The following UNC5C variants were observed in gnomAD, a reference collection of about 807,000 sequenced individuals.
The protein encoded by UNC5C is netrin receptor UNC5C.
UNC5C carries 47 observed loss-of-function variants against 99.8 expected under a neutral mutation model. That is an observed-to-expected ratio of 0.47 (90% confidence interval 0.37 to 0.60). The LOEUF (loss-of-function observed/expected upper bound fraction) is 0.60. Among genes scored for constraint, UNC5C ranks in the 20% least tolerant of loss-of-function variants. The pLI is 0.00. For missense variants in UNC5C, 1,062 were observed against 1,165.9 expected (o/e 0.91, Z 1.30); for synonymous variants, 487 against 452.2 (o/e 1.08, Z -0.98).
intron 4 of UNC5C, among the ~76,000 whole-genome samples, chr4:95,258,614 T>A (rs965649322): frequency 1.3e-5 from 2 of 152,134 alleles, no homozygotes; most frequent in African/African-American, 2.4e-5. Flanking sequence ...TTTACTCAAG[T>A]GTTTATAAAG....
At chr4:95,335,365 G>A (rs1368781501) in intron 2 of UNC5C, 45 bp downstream of exon 2, 1 of 1,517,668 alleles carries the variant, frequency 6.6e-7, no homozygotes, top group East Asian at 2.3e-5. Flanking sequence ...AGAGTAGTGA[G>A]TAAGTGAATC....
At chr4:95,448,136 T>C (rs1053410456) in intron 1 of UNC5C, among the ~76,000 whole-genome samples, 7 of 151,162 alleles carry the variant, frequency 4.6e-5, no homozygotes, top group South Asian at 4.2e-4. Context: ...AGGGCGGGGC[T>C]GAGAGAAAAT....
intron 1 of UNC5C, among the ~76,000 whole-genome samples, chr4:95,380,733 G>T (rs1182029207): frequency 6.6e-6 from 1 of 151,992 alleles, no homozygotes. Context: ...TTTTGCAAAC[G>T]TGCTGGACTA....
intron 1 of UNC5C, among the ~76,000 whole-genome samples, chr4:95,414,639 C>G (rs1027779549): frequency 1.3e-5 from 2 of 152,238 alleles, no homozygotes; most frequent in Non-Finnish European, 2.9e-5. Context: ...TCAGCTTTCT[C>G]TAACCCTTAG....
chr4:95,510,869 T>C (rs549841014), intron 1 of UNC5C, among the ~76,000 whole-genome samples: 5 of 152,312 alleles, frequency 3.3e-5, no homozygotes, highest in African/African-American at 1.2e-4. Flanking sequence ...GGTTTGTCCC[T>C]TCTTTTACTG....
At chr4:95,393,249 G>T (rs1287492988) in intron 1 of UNC5C, among the ~76,000 whole-genome samples, 1 of 152,184 alleles carries the variant, frequency 6.6e-6, no homozygotes, top group Non-Finnish European at 1.5e-5. Context: ...TCCTCCCTAA[G>T]ATATTAGGAG....
chr4:95,188,473 G>C (rs533756429), intron 12 of UNC5C, among the ~76,000 whole-genome samples: 5 of 152,198 alleles, frequency 3.3e-5, no homozygotes, highest in Non-Finnish European at 7.3e-5. Flanking sequence ...ATCTCAAATA[G>C]AGTTTTGTGT....
intron 10 of UNC5C, among the ~76,000 whole-genome samples, chr4:95,208,812 T>C (rs1343639047): frequency 6.6e-6 from 1 of 152,226 alleles, no homozygotes; most frequent in Admixed American, 6.5e-5. Flanking sequence ...ATAATTGCAA[T>C]GGTCACTTGA....
chr4:95,452,344 C>T (rs1224585591), intron 1 of UNC5C, among the ~76,000 whole-genome samples: 2 of 151,944 alleles, frequency 1.3e-5, no homozygotes, highest in African/African-American at 2.4e-5. Context: ...TATTAAGAGC[C>T]AATTTTCAGC....
chr4:95,180,506 T>A (rs1736570798), intron 14 of UNC5C, among the ~76,000 whole-genome samples: 1 of 152,248 alleles, frequency 6.6e-6, no homozygotes, highest in Non-Finnish European at 1.5e-5. Context: ...CTTCCAGACA[T>A]TTTCCTTCTT....
chr4:95,499,607 T>C (rs1027808879), intron 1 of UNC5C, among the ~76,000 whole-genome samples: 2 of 152,066 alleles, frequency 1.3e-5, no homozygotes, highest in African/African-American at 4.8e-5. Flanking sequence ...CTGACACTGA[T>C]CTGGCGAGAG....
chr4:95,522,199 C>T (rs1722378231), intron 1 of UNC5C, among the ~76,000 whole-genome samples: 2 of 151,870 alleles, frequency 1.3e-5, no homozygotes, highest in Non-Finnish European at 2.9e-5. Context: ...TTAAGTAATA[C>T]TCTAATACTC....
At chr4:95,222,230 T>A in intron 7 of UNC5C, 1 of 1,502,466 alleles carries the variant, frequency 6.7e-7, no homozygotes, top group African/African-American at 1.4e-5. Flanking sequence ...ATATTCATTC[T>A]GGGTTCTCTG....
At chr4:95,517,457 A>C (rs960894509) in intron 1 of UNC5C, among the ~76,000 whole-genome samples, 2 of 152,222 alleles carry the variant, frequency 1.3e-5, no homozygotes, top group African/African-American at 4.8e-5. Flanking sequence ...TATCATAAAC[A>C]CATATACACA....
At chr4:95,493,941 C>T (rs72876459) in intron 1 of UNC5C, among the ~76,000 whole-genome samples, 7 of 151,212 alleles carry the variant, frequency 4.6e-5, no homozygotes, top group Admixed American at 3.3e-4. Flanking sequence ...GCCATTTTTT[C>T]GCTTTTAAAA....
intron 2 of UNC5C, among the ~76,000 whole-genome samples, chr4:95,326,735 G>A (rs1579326783): frequency 6.6e-6 from 1 of 152,218 alleles, no homozygotes; most frequent in East Asian, 1.9e-4. Flanking sequence ...TACTCAGTGA[G>A]TAGAAATAAT....
rs531839973 is a variant in UNC5C, at chr4:95,267,737, C to A, written c.594+10522G>T. ...ATATTATGAAATAATTGGACTATAA[C>A]CCCATCTCTTTCTAAAGCCTTGCCA... On this transcript the variant is annotated intron_variant, in intron 4 of 15. Coordinates refer to ENST00000453304, the MANE Select transcript of UNC5C (RefSeq NM_003728.4). Among the ~76,000 whole-genome samples, 15 of 152,174 alleles carry A rather than the reference C, an allele frequency of 9.9e-5. No homozygotes were observed. The South Asian group carries it at 3.1e-3, about 32-fold the overall frequency.
At chr4:95,353,558 CA>C (rs1481512711) in intron 1 of UNC5C, among the ~76,000 whole-genome samples, 31 of 151,862 alleles carry the variant, frequency 2.0e-4, no homozygotes, top group Admixed American at 2.0e-3. Flanking sequence ...TTAGAAGTCA[CA>C]AGCATGGAAA....
chr4:95,438,198 T>C (rs1746844787), intron 1 of UNC5C, among the ~76,000 whole-genome samples: 1 of 152,048 alleles, frequency 6.6e-6, no homozygotes, highest in Admixed American at 6.6e-5. Flanking sequence ...TAATAAGATA[T>C]TTCTCAGAAA....
Sources: allele counts gnomAD v4.1 joint callset (sites outside exome capture counted in the v4.1 genomes callset), GRCh38; gene constraint gnomAD v4.1.1; transcripts MANE v1.5; gene names NCBI Gene and HGNC (gene_info 2026-07-23, HGNC 2026-07-21).